The following DENND10 variants were observed in gnomAD, a reference collection of about 807,000 sequenced individuals.
The protein encoded by DENND10 is DENN domain containing 10, also known as DENN domain-containing protein 10.
A neutral mutation model predicts 43.6 loss-of-function variants in DENND10; 24 were observed. The observed-to-expected ratio is 0.55, with a 90% CI of 0.40 to 0.77. The LOEUF (loss-of-function observed/expected upper bound fraction) is 0.77, where lower values mean the gene tolerates loss of function less well. Ranked by LOEUF, DENND10 falls within the 30% of genes least tolerant of loss-of-function variation. The probability of loss-of-function intolerance (pLI) is 0.00; values close to 1 mark genes in which losing one functional copy is unlikely to be tolerated. For synonymous variants in DENND10, 125 were observed against 157.6 expected (o/e 0.79, Z 1.55); for missense variants, 303 against 429.9 (o/e 0.70, Z 2.61).
At chr10:119,110,308 A>T (rs886304987) in intron 2 of DENND10, among the ~76,000 whole-genome samples, 1 of 151,490 alleles carries the variant, frequency 6.6e-6, no homozygotes, top group East Asian at 1.9e-4. Context: ...AGTAGCTGGG[A>T]CTACAGGCAT....
At chr10:119,123,413 C>A (rs1589734580) in intron 5 of DENND10, 56 bp from the exon 6 acceptor site, 1 of 1,284,820 alleles carries the variant, frequency 7.8e-7, no homozygotes. Flanking sequence ...AGGGGGCAGG[C>A]TGAGTCTTTA....
rs749829928 is a variant in DENND10, at chr10:119,120,368, C to G, written c.509C>G (p.Thr170Ser). 4 of 1,610,578 alleles carry G rather than the reference C, an allele frequency of 2.5e-6. No homozygotes were observed. The change falls in exon 5 of 9, where the codon ACT (threonine) becomes AGT (serine). Residue 170 changes from threonine (T) to serine (S), a missense_variant. Thr to Ser is a moderately conservative substitution (Grantham distance 58, BLOSUM62 1). Coordinates refer to ENST00000361432, the MANE Select transcript of DENND10 (RefSeq NM_207009.4). ...ATTGTATCTCAGTTTGGAATGGAAA[C>G]TGTTATCTTACACACAGCACTGATG... ...KDIVSQFGMETVILHTALMLK... is the reference protein window; with the variant it reads ...KDIVSQFGMESVILHTALMLK...
Position 119,132,538 on chromosome 10 carries a change from C to T in DENND10, c.826C>T (p.His276Tyr). The T allele has an allele frequency of 1.2e-6, 2 of 1,614,078 alleles. No homozygotes were observed. Among genetic ancestry groups the T allele is most frequent in the Non-Finnish European group, 1.7e-6 (2 of 1,179,938 alleles). The part of the protein sequence containing the change: ...AKEAMAMGKL[H>Y]KEMGQLIVQS... Reference sequence around the variant, plus strand: ...AGAGGCCATGGCAATGGGCAAACTGCACAAAGAAATGGGTCAGCTAATTGT... The same window carrying T: ...AGAGGCCATGGCAATGGGCAAACTGTACAAAGAAATGGGTCAGCTAATTGT... Residue 276 changes from histidine (H) to tyrosine (Y), a missense_variant, in exon 8 of 9, where the codon CAC becomes TAC. By Grantham distance (83) the His-to-Tyr change is moderately conservative (BLOSUM62 2). Transcript: ENST00000361432. The surrounding 1 kb of genome is among the most constrained non-coding windows in gnomAD (Gnocchi z 4.2).
chr10:119,109,371 AG>A (rs372785162), intron 2 of DENND10, among the ~76,000 whole-genome samples: 9 of 152,306 alleles, frequency 5.9e-5, no homozygotes, highest in African/African-American at 2.2e-4. Context: ...AGCAACCAGC[AG>A]GTTTTTTCAA....
intron 5 of DENND10, among the ~76,000 whole-genome samples, chr10:119,121,379 CAA>C (rs1180207919): frequency 6.7e-6 from 1 of 149,900 alleles, no homozygotes; most frequent in Non-Finnish European, 1.5e-5. Context: ...GTCCTAGGCT[CAA>C]GTGATTCTCC....
intron 3 of DENND10, chr10:119,114,684 C>T (rs1177186105): frequency 6.6e-6 from 1 of 152,234 alleles, no homozygotes; most frequent in African/African-American, 2.4e-5. Flanking sequence ...TTTTATCTCT[C>T]CTGGCCCAGG....
In DENND10 at chr10:119,132,690, C is replaced by T; in HGVS notation, c.897+81C>T. ...TGTGCGGCAGAGCTGTGCACATAAG[C>T]AGAGTGGGGGGCTGTGGTAGAGGCC... is the stretch of plus-strand genomic sequence containing the variant. On this transcript the variant is annotated intron_variant, in intron 8 of 8. Coordinates refer to ENST00000361432, the MANE Select transcript of DENND10 (RefSeq NM_207009.4). The surrounding 1 kb of genome is among the most constrained non-coding windows in gnomAD (Gnocchi z 4.2). The T allele has an allele frequency of 8.7e-7, 1 of 1,151,762 alleles. No homozygotes were observed. The highest frequency in any genetic ancestry group is 1.3e-6 in the Non-Finnish European group (1 of 759,376). 71.3% of individuals were successfully genotyped at this position (1,151,762 alleles called of 1,614,324 possible).
At chr10:119,105,170 A>C (rs1213186678) in intron 1 of DENND10, 2 of 152,534 alleles carry the variant, frequency 1.3e-5, no homozygotes, top group African/African-American at 4.8e-5. Flanking sequence ...TCTATTCCCC[A>C]AGTGCGCAAT....
intron 2 of DENND10, among the ~76,000 whole-genome samples, chr10:119,111,306 T>C (rs2133464840): frequency 6.6e-6 from 1 of 150,944 alleles, no homozygotes; most frequent in Non-Finnish European, 1.5e-5. Flanking sequence ...ATACATCTAT[T>C]ATGTATCAAT....
intron 6 of DENND10, among the ~76,000 whole-genome samples, chr10:119,126,512 C>T (rs548692090): frequency 1.3e-5 from 2 of 152,196 alleles, no homozygotes; most frequent in African/African-American, 4.8e-5. Flanking sequence ...TTGTCCAGGC[C>T]AGAGTGCAGT....
intron 5 of DENND10, among the ~76,000 whole-genome samples, chr10:119,122,888 C>T (rs748463416): frequency 1.2e-4 from 18 of 152,130 alleles, no homozygotes; most frequent in Non-Finnish European, 1.6e-4. Context: ...ACCTTAGAAG[C>T]GTCACTCTTT....
intron 2 of DENND10, among the ~76,000 whole-genome samples, chr10:119,110,036 C>T (rs950612271): frequency 6.6e-6 from 1 of 152,060 alleles, no homozygotes; most frequent in African/African-American, 2.4e-5. Context: ...TGGTCTTGAA[C>T]TCCTGAGTTC....
chr10:119,127,906 A>G (rs781171873), intron 6 of DENND10, among the ~76,000 whole-genome samples: 7 of 152,198 alleles, frequency 4.6e-5, no homozygotes, highest in African/African-American at 7.2e-5. Flanking sequence ...CTGGGATTAC[A>G]GGCAGGAGCC....
chr10:119,125,031 G>A (rs1476856872), intron 6 of DENND10, among the ~76,000 whole-genome samples: 1 of 151,990 alleles, frequency 6.6e-6, no homozygotes, highest in Non-Finnish European at 1.5e-5. Context: ...GAGTGCAATA[G>A]TGTGATCTCA....
intron 4 of DENND10, among the ~76,000 whole-genome samples, chr10:119,119,394 G>T (rs1054171951): frequency 5.3e-5 from 8 of 152,100 alleles, no homozygotes; most frequent in Non-Finnish European, 1.0e-4. Context: ...CACCCGCCTC[G>T]GCCTCCCAAA....
intron 3 of DENND10, among the ~76,000 whole-genome samples, chr10:119,116,938 C>T (rs1448642773): frequency 6.6e-6 from 1 of 151,858 alleles, no homozygotes; most frequent in Non-Finnish European, 1.5e-5. Flanking sequence ...CTTTGCCCTC[C>T]CAAAGTGCTA....
chr10:119,105,440 C>A, intron 1 of DENND10: 1 of 735,886 alleles, frequency 1.4e-6, no homozygotes, highest in South Asian at 2.0e-5. Flanking sequence ...GCGTGCACCA[C>A]CACCCGATTA....
chr10:119,111,834 G>A lies in DENND10; in HGVS notation c.253-15G>A. The stretch of plus-strand genomic sequence containing the variant: ...TATTTAAAAAGTGTATTTTTTTGTT[G>A]TTTCTTTTGAACAGGTGACTCATTT... On this transcript the variant is annotated splice_polypyrimidine_tract_variant and intron_variant, in intron 2 of 8. Coordinates refer to ENST00000361432, the MANE Select transcript of DENND10 (RefSeq NM_207009.4). 6.3e-7 allele frequency: 1 copy of A among 1,595,244 alleles called. No individual in the cohort carries two copies. The highest frequency in any genetic ancestry group is 1.3e-5 in the African/African-American group (1 of 74,366).
chr10:119,125,816 C>T (rs924265487), intron 6 of DENND10, among the ~76,000 whole-genome samples: 2 of 152,122 alleles, frequency 1.3e-5, no homozygotes, highest in African/African-American at 4.8e-5. Context: ...TGTGCCCAGC[C>T]AACTTCTAGT....
Sources: allele counts gnomAD v4.1 joint callset (sites outside exome capture counted in the v4.1 genomes callset), GRCh38; gene constraint gnomAD v4.1.1; non-coding constraint Gnocchi (gnomAD v3.1); transcripts MANE v1.5; gene names NCBI Gene and HGNC (gene_info 2026-07-23, HGNC 2026-07-21).